Variants in FBXL18 observed in about 807,000 individuals in gnomAD.
FBXL18 encodes the protein F-box and leucine rich repeat protein 18.
A neutral mutation model predicts 46.0 loss-of-function variants in FBXL18; 36 were observed. The ratio of observed to expected loss-of-function variants is 0.78; its 90% confidence interval spans 0.60 to 1.03. The LOEUF is 1.03. Among genes scored for constraint, FBXL18 ranks in the 50% least tolerant of loss-of-function variants. FBXL18 has a pLI of 0.00. For synonymous variants in FBXL18, 557 were observed against 465.3 expected (o/e 1.20, Z -2.54); for missense variants, 977 against 1,004.1 (o/e 0.97, Z 0.36).
intron 4 of FBXL18, among the ~76,000 whole-genome samples, chr7:5,465,786 C>A (rs948257809): frequency 6.6e-6 from 1 of 151,862 alleles, no homozygotes; most frequent in Non-Finnish European, 1.5e-5. Context: ...ATACAATACA[C>A]CCATGTACAA....
chr7:5,481,866 T>G lies in FBXL18; in HGVS notation c.2066A>C (p.Asp689Ala), dbSNP rs1194730941. The G allele has an allele frequency of 6.2e-7, 1 of 1,613,788 alleles. No homozygotes were observed. The highest frequency in any genetic ancestry group is 8.5e-7 in the Non-Finnish European group (1 of 1,179,960). ...IFPLLHEGLT[D>A]VIRDVPLVHL... ...CACCAGGGGGACGTCCCGGATGACG[T>G]CGGTCAGGCCCTCGTGGAGCAGAGG... The change falls in exon 5 of 5, where the codon GAC (aspartate) becomes GCC (alanine). Residue 689 changes from aspartate to alanine, a missense_variant. Asp to Ala is a moderately radical substitution (Grantham distance 126). Coordinates refer to ENST00000382368, the MANE Select transcript of FBXL18 (RefSeq NM_024963.6).
chr7:5,501,273 G>A lies in FBXL18; in HGVS notation c.996C>T (p.Ile332=). ...SRCTLSGGHL[I]QQVINGGKDL... ...CCTTCCCGCCGTTGATGACCTGCTGGATCAGATGGCCGCCTGACAGGGTAC... is the reference window on the plus strand; with the variant it reads ...CCTTCCCGCCGTTGATGACCTGCTGAATCAGATGGCCGCCTGACAGGGTAC... Residue 332 remains isoleucine (I), a synonymous_variant, in exon 3 of 5, where the codon ATC becomes ATT. Transcript: ENST00000382368. 1 of 1,614,150 alleles carries A rather than the reference G, an allele frequency of 6.2e-7. No individual in the cohort carries two copies. The highest frequency in any genetic ancestry group is 1.1e-5 in the South Asian group (1 of 91,080).
chr7:5,511,532 G>T (rs939289589), intron 1 of FBXL18, among the ~76,000 whole-genome samples: 6 of 151,842 alleles, frequency 4.0e-5, no homozygotes, highest in African/African-American at 1.5e-4. Flanking sequence ...CTTGAACCTG[G>T]GAAGCAGAGG....
At chr7:5,471,646 A>C (rs575173944), downstream of FBXL18, among the ~76,000 whole-genome samples, 1 of 151,882 alleles carries the variant, frequency 6.6e-6, no homozygotes, top group Non-Finnish European at 1.5e-5. Context: ...TCCTGACCTC[A>C]TGATCTGCCC....
At position 5,496,625 on chromosome 7, in the gene FBXL18, T is replaced by A. The variant is rs932678171; in HGVS notation, c.1781+3863A>T. 6.6e-6 allele frequency among the ~76,000 whole-genome samples: 1 copy of A among 152,216 alleles called. No individual in the cohort carries two copies. Among genetic ancestry groups the A allele is most frequent in the Non-Finnish European group, 1.5e-5 (1 of 68,034 alleles). The stretch of plus-strand genomic sequence containing the variant: ...GACCGGGCACAGTGGCTCACACCTG[T>A]GATCCCAGCCCTTTGGGCGGCCCAG... On this transcript the variant is annotated intron_variant, in intron 3 of 4. Coordinates refer to ENST00000382368, the MANE Select transcript of FBXL18 (RefSeq NM_024963.6). This position sits in a 1 kb window ranked among gnomAD's most constrained non-coding sequence, Gnocchi z 4.8.
rs908205143 is a variant in FBXL18 at position 5,457,860 on chromosome 7, G to A, written c.2001-10017C>T. On this transcript the variant is annotated intron_variant and NMD_transcript_variant, in intron 4 of 6. Coordinates refer to the FBXL18 transcript ENST00000415009. ...CCTATCGCTGTGCCTGGCTGGCCTG[G>A]GCCCACAGCCTGCCTCGCCGGGGAA... Among the ~76,000 whole-genome samples the A allele has an allele frequency of 2.6e-5, 4 of 152,162 alleles. No individual in the cohort carries two copies. In the South Asian group the frequency reaches 6.2e-4, roughly 24 times the overall value.
chr7:5,456,422 C>G (rs1378246496), intron 4 of FBXL18, among the ~76,000 whole-genome samples: 1 of 152,202 alleles, frequency 6.6e-6, no homozygotes, highest in Admixed American at 6.5e-5. Context: ...GCACAGAAAC[C>G]CCTCATCTCA....
chr7:5,489,880 G>C, intron 4 of FBXL18: 1 of 725,400 alleles, frequency 1.4e-6, no homozygotes, highest in Non-Finnish European at 2.0e-6. Context: ...AGAAAGCAGA[G>C]GTTGCAGTGA....
chr7:5,465,221 G>A (rs1487685744), intron 4 of FBXL18, among the ~76,000 whole-genome samples: 1 of 151,564 alleles, frequency 6.6e-6, no homozygotes, highest in Non-Finnish European at 1.5e-5. Flanking sequence ...TATTTTTTTT[G>A]AGACGGTCGT....
At chr7:5,508,906 C>T (rs754695180) in intron 1 of FBXL18, among the ~76,000 whole-genome samples, 1 of 152,132 alleles carries the variant, frequency 6.6e-6, no homozygotes, top group Non-Finnish European at 1.5e-5. Flanking sequence ...CAGCACTGGG[C>T]CAGACGCTGT....
intron 1 of FBXL18, 137 bp downstream of exon 1, chr7:5,513,520 G>T: frequency 1.0e-6 from 1 of 985,488 alleles, no homozygotes; most frequent in Non-Finnish European, 1.6e-6. Context: ...GGCAAGGCCA[G>T]GGTCAGGATG....
Position 5,476,421 on chromosome 7 carries a change from T to C in FBXL18, c.*5354A>G, listed in dbSNP as rs1032110383. 6.6e-6 allele frequency: 1 copy of C among 152,208 alleles called. No homozygotes were observed. The highest frequency in any genetic ancestry group is 1.5e-5 in the Non-Finnish European group (1 of 68,044). 9.4% of individuals were successfully genotyped at this position (152,208 alleles called of 1,614,324 possible). On this transcript the variant is annotated 3_prime_UTR_variant, in exon 5 of 5. Transcript: ENST00000382368. ...CTGGGGTAGGAGTAGCCAAGTGTTCTGACAGGCGGTTTTCCCGTAAACCGA... is the reference window on the plus strand; with the variant it reads ...CTGGGGTAGGAGTAGCCAAGTGTTCCGACAGGCGGTTTTCCCGTAAACCGA...
rs529589165 is a variant in FBXL18, at chr7:5,504,230, GAC to G, written c.237+1180_237+1181del. On this transcript the variant is annotated intron_variant, in intron 2 of 4. Coordinates refer to ENST00000382368, the MANE Select transcript of FBXL18 (RefSeq NM_024963.6). ...GGATCACTTGAGGTCAGGAGTTCAA[GAC>G]CAGCCTGGCCAACATGATGAAACCC... is the stretch of plus-strand genomic sequence containing the variant. 2.7e-3 allele frequency among the ~76,000 whole-genome samples: 414 copies of G among 151,810 alleles called. 6 individuals carry two copies. Among genetic ancestry groups the G allele is most frequent in the African/African-American group, 9.5e-3 (394 of 41,446 alleles).
In FBXL18 at chr7:5,476,580, C is replaced by A. The variant is rs1173199392; in HGVS notation, c.*5195G>T. 1.3e-5 allele frequency: 2 copies of A among 152,442 alleles called. No individual in the cohort carries two copies. The highest frequency in any genetic ancestry group is 4.8e-5 in the African/African-American group (2 of 41,464). The allele number at this position is 152,442 out of a possible 1,614,324, so 9.4% of individuals were successfully genotyped here. ...TCCTGGGCTCAAGCAATCCTCCTGC[C>A]TCAGCCTCCTGAGTAGCTGGGACCA... is the stretch of plus-strand genomic sequence containing the variant. On this transcript the variant is annotated 3_prime_UTR_variant, in exon 5 of 5. Coordinates refer to ENST00000382368, the MANE Select transcript of FBXL18 (RefSeq NM_024963.6).
Position 5,481,539 on chromosome 7 carries a change from G to C in FBXL18, c.*236C>G. ...CCTGGTTCAGCCAGCCCCCCACATC[G>C]ACCGTCCCCCGAGCCCCCTCATGTC... On this transcript the variant is annotated 3_prime_UTR_variant, in exon 5 of 5. Transcript: ENST00000382368. 3 of 380,564 alleles carry C rather than the reference G, an allele frequency of 7.9e-6. No homozygotes were observed. Among genetic ancestry groups the C allele is most frequent in the East Asian group, 4.9e-5 (1 of 20,550 alleles). The allele number at this position is 380,564 out of a possible 1,614,324, so 23.6% of individuals were successfully genotyped here.
intron 4 of FBXL18, among the ~76,000 whole-genome samples, chr7:5,490,681 C>T (rs1783898347): frequency 6.6e-6 from 1 of 152,188 alleles, no homozygotes; most frequent in African/African-American, 2.4e-5. Context: ...AAGATGGTTG[C>T]AGGCTGGGTG....
intron 2 of FBXL18, among the ~76,000 whole-genome samples, chr7:5,502,818 C>A (rs1386155821): frequency 7.2e-6 from 1 of 139,078 alleles, no homozygotes; most frequent in East Asian, 2.2e-4. Flanking sequence ...CAGAGCAAGA[C>A]TCCATCTCAA....
At chr7:5,461,735 G>A (rs1783248857) in intron 4 of FBXL18, among the ~76,000 whole-genome samples, 1 of 152,196 alleles carries the variant, frequency 6.6e-6, no homozygotes, top group African/African-American at 2.4e-5. Flanking sequence ...GAGGTCAGGA[G>A]TTTGAGACCA....
intron 4 of FBXL18, among the ~76,000 whole-genome samples, chr7:5,459,934 G>A (rs1783220822): frequency 6.6e-6 from 1 of 151,566 alleles, no homozygotes; most frequent in South Asian, 2.1e-4. Flanking sequence ...ATAAATAAAT[G>A]GCACAAGGGC....
Sources: allele counts gnomAD v4.1 joint callset (sites outside exome capture counted in the v4.1 genomes callset), GRCh38; gene constraint gnomAD v4.1.1; non-coding constraint Gnocchi (gnomAD v3.1); transcripts MANE v1.5; gene names NCBI Gene and HGNC (gene_info 2026-07-23, HGNC 2026-07-21).